The following MGA variants were observed in gnomAD, a reference collection of about 807,000 sequenced individuals.
MGA encodes MAX gene-associated protein.
In MGA, 40 loss-of-function variants were observed where a neutral mutation model predicts 261.1. The observed-to-expected ratio is 0.15, with a 90% CI of 0.12 to 0.20. MGA has a LOEUF of 0.20. MGA is among the 10% of genes least tolerant of loss of function. MGA has a pLI of 1.00. For synonymous variants in MGA, 1,302 were observed against 1,290.6 expected, an observed-to-expected ratio of 1.01 and a Z score of -0.19; for missense variants, 3,397 against 3,630.5, an observed-to-expected ratio of 0.94 and a Z score of 1.65.
intron 2 of MGA, among the ~76,000 whole-genome samples, chr15:41,688,178 C>T (rs1019179280): frequency 6.6e-6 from 1 of 152,094 alleles, no homozygotes; most frequent in African/African-American, 2.4e-5. Context: ...CGGGTTCAAG[C>T]GATTCTCCTG....
At chr15:41,745,635 T>C (rs1242952897) in intron 15 of MGA, among the ~76,000 whole-genome samples, 1 of 152,098 alleles carries the variant, frequency 6.6e-6, no homozygotes, top group African/African-American at 2.4e-5. Context: ...GACAGGGTCT[T>C]GCCCTGTCAT....
At chr15:41,686,767 A>G (rs1314649509) in intron 2 of MGA, among the ~76,000 whole-genome samples, 6 of 152,152 alleles carry the variant, frequency 3.9e-5, no homozygotes, top group Non-Finnish European at 7.3e-5. Context: ...TTTTGTTAAT[A>G]TGGTGAATTA....
At chr15:41,631,982 C>G (rs1833243440) in intron 1 of MGA, among the ~76,000 whole-genome samples, 1 of 152,012 alleles carries the variant, frequency 6.6e-6, no homozygotes, top group Non-Finnish European at 1.5e-5. Flanking sequence ...TCATATTACT[C>G]TCAATAAAAT....
intron 5 of MGA, among the ~76,000 whole-genome samples, chr15:41,705,858 A>G (rs533780538): frequency 6.6e-5 from 10 of 152,294 alleles, no homozygotes; most frequent in South Asian, 4.1e-4. Flanking sequence ...TCATTATCCT[A>G]TATTTCCCGT....
rs1454908165 is a variant in MGA, at chr15:41,743,028, G to A, written c.5068G>A (p.Val1690Ile). The change falls in exon 15 of 24, where the codon GTT (valine) becomes ATT (isoleucine). Residue 1690 changes from valine (V) to isoleucine (I), a missense_variant. Val to Ile is a conservative substitution (Grantham distance 29). This residue lies in a region of MGA where 1,410 missense variants were observed against 1,386.4 expected (regional missense o/e 1.02). Coordinates refer to ENST00000219905, the MANE Select transcript of MGA (RefSeq NM_001164273.2). The stretch of plus-strand genomic sequence containing the variant: ...ATCTCCTTCAACCATAACTCTTCCT[G>A]TTGCTTCCACTGCTTCCACCTCCTT... The A allele has an allele frequency of 1.2e-6, 2 of 1,613,928 alleles. No homozygotes were observed. Among genetic ancestry groups the A allele is most frequent in the Non-Finnish European group, 1.7e-6 (2 of 1,179,898 alleles).
intron 10 of MGA, 114 bp downstream of exon 10, chr15:41,727,520 T>A: frequency 1.0e-6 from 1 of 952,984 alleles, no homozygotes; most frequent in South Asian, 1.6e-5. Flanking sequence ...TTCAGTAATA[T>A]GTTTATAAGA....
chr15:41,727,259 AC>A lies in MGA; in HGVS notation c.3512del (p.Pro1171GlnfsTer13). 6.2e-7 allele frequency: 1 copy of A among 1,613,766 alleles called. No homozygotes were observed. The highest frequency in any genetic ancestry group is 8.5e-7 in the Non-Finnish European group (1 of 1,179,860). On this transcript the variant is annotated frameshift_variant, in exon 10 of 24. Transcript: ENST00000219905. LOFTEE classifies it high-confidence loss of function. ...AAGTAGAAGGTGAAGTAGATCCAGAACCAGTTTATATCCCCACGCCTTCTGT... is the reference window on the plus strand; with the variant it reads ...AAGTAGAAGGTGAAGTAGATCCAGAACAGTTTATATCCCCACGCCTTCTGT...
Position 41,711,008 on chromosome 15 carries a change from T to G in MGA, c.2743T>G (p.Tyr915Asp). 1 of 1,614,044 alleles carries G rather than the reference T, an allele frequency of 6.2e-7. No individual in the cohort carries two copies. Among genetic ancestry groups the G allele is most frequent in the Non-Finnish European group, 8.5e-7 (1 of 1,179,892 alleles). ...TTTCAGTGGCCGAACTAAATCATCT[T>G]ATAAATCCATTTTACCATACCCTGT... The change falls in exon 8 of 24, where the codon TAT becomes GAT. Residue 915 changes from tyrosine to aspartate, a missense_variant. By Grantham distance (160) the Tyr-to-Asp change is radical (BLOSUM62 -3). This residue lies in a region of MGA where 519 missense variants were observed against 554.1 expected (regional missense o/e 0.94). Transcript: ENST00000219905.
chr15:41,710,613 G>T (rs1240049444), intron 7 of MGA, 78 bp from the exon 8 acceptor site: 14 of 1,354,440 alleles, frequency 1.0e-5, no homozygotes, highest in Non-Finnish European at 1.4e-5. Flanking sequence ...AATATTCTTG[G>T]CCATTTTTAG....
chr15:41,756,693 A>G (rs956387701), intron 18 of MGA, among the ~76,000 whole-genome samples: 3 of 152,212 alleles, frequency 2.0e-5, no homozygotes, highest in East Asian at 1.9e-4. Flanking sequence ...CTATATAACA[A>G]TTAAAACAAT....
intron 1 of MGA, among the ~76,000 whole-genome samples, chr15:41,649,519 C>T (rs2056998978): frequency 6.6e-6 from 1 of 152,052 alleles, no homozygotes; most frequent in Non-Finnish European, 1.5e-5. Context: ...TTTTTGACAG[C>T]GTATCATGGT....
intron 9 of MGA, chr15:41,718,239 A>G (rs1055836663): frequency 6.4e-5 from 13 of 201,832 alleles, no homozygotes; most frequent in African/African-American, 1.2e-4. Context: ...ATATATATCT[A>G]TCTCACTATA....
chr15:41,757,519 C>T (rs1567096857), intron 18 of MGA, among the ~76,000 whole-genome samples: 2 of 152,218 alleles, frequency 1.3e-5, no homozygotes, highest in Admixed American at 6.5e-5. Context: ...TGGAACGAGT[C>T]TTCCCTGGAT....
In MGA at chr15:41,725,561, CGGTGG is replaced by C. The variant is rs2061181347; in HGVS notation, c.3431-1618_3431-1614del. On this transcript the variant is annotated intron_variant, in intron 9 of 23. Coordinates refer to ENST00000219905, the MANE Select transcript of MGA (RefSeq NM_001164273.2). ...AAAAATAAATAAGTAGGGCCGGGCG[CGGTGG>C]CTCACGCCTGTAATCCCAGCACTTT... Among the ~76,000 whole-genome samples, 10 of 54,040 alleles carry C rather than the reference CGGTGG, an allele frequency of 1.9e-4. 4 individuals are homozygous for C. Among genetic ancestry groups the C allele is most frequent in the Admixed American group, 4.7e-4 (2 of 4,226 alleles). The allele number at this position is 54,040 out of a possible 152,430, so 35.5% of individuals were successfully genotyped here. A position where few individuals can be genotyped will look rare whatever the true frequency, so the allele number is the denominator to read the frequency against.
At chr15:41,632,405 C>T (rs575773954) in intron 1 of MGA, among the ~76,000 whole-genome samples, 1 of 152,288 alleles carries the variant, frequency 6.6e-6, no homozygotes, top group South Asian at 2.1e-4. Flanking sequence ...TCTTTAACAG[C>T]ACCCAGAACC....
chr15:41,654,946 A>G (rs1031574469), intron 1 of MGA, among the ~76,000 whole-genome samples: 1 of 152,114 alleles, frequency 6.6e-6, no homozygotes, highest in Non-Finnish European at 1.5e-5. Flanking sequence ...TGTTGCTTCT[A>G]TTGCCAGATG....
At chr15:41,762,459 TG>T (rs1214360608) in intron 22 of MGA, 97 bp downstream of exon 22, 37 of 493,522 alleles carry the variant, frequency 7.5e-5, no homozygotes, top group African/African-American at 5.3e-4. Flanking sequence ...TAGTTTTGTG[TG>T]GTTTTTTTTT....
chr15:41,697,135 G>T (rs1026299168), intron 3 of MGA, 112 bp downstream of exon 3: 158 of 908,900 alleles, frequency 1.7e-4, no homozygotes, highest in Non-Finnish European at 2.3e-4. Flanking sequence ...TATTTGTGAG[G>T]GTGTATGGGG....
rs778820093 is a variant in MGA, at chr15:41,749,967, T to A, written c.6360T>A (p.Phe2120Leu). The change falls in exon 17 of 24, where the codon TTT (phenylalanine) becomes TTA (leucine). Residue 2120 changes from phenylalanine to leucine, a missense_variant. Coordinates refer to ENST00000219905, the MANE Select transcript of MGA (RefSeq NM_001164273.2). Reference sequence around the variant, plus strand: ...TGAAGGTGGAACAGCAGAAAGGATTTGACAATCCAGAAGAAAACTCAAGTG... The same window carrying A: ...TGAAGGTGGAACAGCAGAAAGGATTAGACAATCCAGAAGAAAACTCAAGTG... 1.2e-6 allele frequency: 2 copies of A among 1,612,978 alleles called. No individual in the cohort carries two copies. Among genetic ancestry groups the A allele is most frequent in the South Asian group, 2.2e-5 (2 of 90,948 alleles).
Sources: allele counts gnomAD v4.1 joint callset (sites outside exome capture counted in the v4.1 genomes callset), GRCh38; gene constraint gnomAD v4.1.1; regional missense constraint gnomAD v4.1.1; transcripts MANE v1.5; gene names NCBI Gene and HGNC (gene_info 2026-07-23, HGNC 2026-07-21).